CYP19A1: variants seen among roughly 807,000 people sequenced by gnomAD.
The protein encoded by CYP19A1 is cytochrome P450 family 19 subfamily A member 1, also known as aromatase.
In CYP19A1, 32 loss-of-function variants were observed where a neutral mutation model predicts 44.4. That is an observed-to-expected ratio of 0.72 (90% confidence interval 0.54 to 0.97). The LOEUF (loss-of-function observed/expected upper bound fraction) is 0.97, where lower values mean the gene tolerates loss of function less well. Among genes scored for constraint, CYP19A1 ranks in the 50% least tolerant of loss-of-function variants. CYP19A1 has a pLI of 0.00. For missense variants in CYP19A1, 598 were observed against 637.8 expected, an observed-to-expected ratio of 0.94 and a Z score of 0.67; for synonymous variants, 212 against 215.6, an observed-to-expected ratio of 0.98 and a Z score of 0.14.
At chr15:51,231,094 A>G (rs1407318959) in intron 3 of CYP19A1, among the ~76,000 whole-genome samples, 1 of 152,212 alleles carries the variant, frequency 6.6e-6, no homozygotes, top group East Asian at 1.9e-4. Flanking sequence ...CCACCTAACC[A>G]GTGATCAAAT....
intron 1 of CYP19A1, among the ~76,000 whole-genome samples, chr15:51,256,180 C>T (rs1428262545): frequency 6.6e-6 from 1 of 152,218 alleles, no homozygotes; most frequent in Non-Finnish European, 1.5e-5. Flanking sequence ...CTCTAGAGAG[C>T]CTGCTCTTCA....
intron 2 of CYP19A1, among the ~76,000 whole-genome samples, chr15:51,237,705 A>G (rs1425900283): frequency 6.6e-6 from 1 of 152,208 alleles, no homozygotes; most frequent in Non-Finnish European, 1.5e-5. Context: ...GTTTTAGCCG[A>G]GAGTAGTGGC....
At chr15:51,259,100 C>T (rs1051136210) in intron 1 of CYP19A1, among the ~76,000 whole-genome samples, 3 of 152,104 alleles carry the variant, frequency 2.0e-5, no homozygotes, top group African/African-American at 4.8e-5. Flanking sequence ...CTTGCCCTCC[C>T]GCCATTCAGG....
chr15:51,222,243 GA>G (rs2032152330), intron 5 of CYP19A1, 105 bp downstream of exon 5: 1 of 1,584,934 alleles, frequency 6.3e-7, no homozygotes, highest in Admixed American at 1.8e-5. Flanking sequence ...GTTTAAACAA[GA>G]GCAATGTAGA....
Position 51,210,282 on chromosome 15 carries a change from T to C in CYP19A1, c.*526A>G. 8.8e-6 allele frequency: 4 copies of C among 456,398 alleles called. No individual in the cohort carries two copies. The highest frequency in any genetic ancestry group is 4.8e-5 in the South Asian group (3 of 63,122). 28.3% of individuals were successfully genotyped at this position (456,398 alleles called of 1,614,324 possible). A position where few individuals can be genotyped will look rare whatever the true frequency, so the allele number is the denominator to read the frequency against. On this transcript the variant is annotated 3_prime_UTR_variant, in exon 10 of 10. Transcript: ENST00000396402. ...CACAGCAAGGGTCAAATGCTGAATTTCTAAGCATTTCTCCAAAGACTATGA... is the reference window on the plus strand; with the variant it reads ...CACAGCAAGGGTCAAATGCTGAATTCCTAAGCATTTCTCCAAAGACTATGA...
chr15:51,214,140 G>T (rs1001800994), intron 8 of CYP19A1, among the ~76,000 whole-genome samples: 3 of 152,108 alleles, frequency 2.0e-5, no homozygotes, highest in Non-Finnish European at 2.9e-5. Context: ...TGTTTTGCAG[G>T]GTCTGTGTAA....
Position 51,210,170 on chromosome 15 carries a change from C to T in CYP19A1, c.*638G>A, listed in dbSNP as rs886051275. ...ACAGGCAAGTGGCTGAGGCATAAATCGACAGACTGGGAAAGAATTTCCTCT... is the reference window on the plus strand; with the variant it reads ...ACAGGCAAGTGGCTGAGGCATAAATTGACAGACTGGGAAAGAATTTCCTCT... On this transcript the variant is annotated 3_prime_UTR_variant, in exon 10 of 10. Transcript: ENST00000396402. 3 of 357,200 alleles carry T rather than the reference C, an allele frequency of 8.4e-6. No individual in the cohort carries two copies. The highest frequency in any genetic ancestry group is 7.5e-5 in the East Asian group (1 of 13,342). 22.1% of individuals were successfully genotyped at this position (357,200 alleles called of 1,614,324 possible). A position where few individuals can be genotyped will look rare whatever the true frequency, so the allele number is the denominator to read the frequency against.
chr15:51,275,952 G>A (rs2035293348), intron 1 of CYP19A1, among the ~76,000 whole-genome samples: 1 of 152,162 alleles, frequency 6.6e-6, no homozygotes, highest in Non-Finnish European at 1.5e-5. Context: ...CCAGCCTGAG[G>A]TTTGAAGGAA....
At chr15:51,220,443 T>C (rs2141056447) in intron 5 of CYP19A1, among the ~76,000 whole-genome samples, 1 of 152,330 alleles carries the variant, frequency 6.6e-6, no homozygotes, top group African/African-American at 2.4e-5. Context: ...CCCCAGAACC[T>C]AGAACAGTGC....
chr15:51,326,544 A>G (rs2036611195), intron 1 of CYP19A1, among the ~76,000 whole-genome samples: 1 of 152,224 alleles, frequency 6.6e-6, no homozygotes. Context: ...TCTTTATCAG[A>G]TTTGTCCAAA....
At chr15:51,245,324 T>C (rs956013672) in intron 1 of CYP19A1, among the ~76,000 whole-genome samples, 2 of 152,160 alleles carry the variant, frequency 1.3e-5, no homozygotes, top group African/African-American at 2.4e-5. Flanking sequence ...GGTAAGAATA[T>C]ATTTTATTTT....
At chr15:51,262,399 C>G (rs180796002) in intron 1 of CYP19A1, among the ~76,000 whole-genome samples, 2 of 152,032 alleles carry the variant, frequency 1.3e-5, no homozygotes, top group Admixed American at 1.3e-4. Context: ...ATTCCTCTAG[C>G]GCACTGGGTT....
intron 1 of CYP19A1, among the ~76,000 whole-genome samples, chr15:51,304,199 G>T (rs1160778523): frequency 1.3e-5 from 2 of 152,154 alleles, no homozygotes; most frequent in Non-Finnish European, 2.9e-5. Context: ...TGGGTTGGAA[G>T]GTATACTGAG....
chr15:51,233,234 T>C lies in CYP19A1; in HGVS notation c.296+3625A>G, dbSNP rs544303768. ...TTCTATGTAACACCTATCTGCCTGA[T>C]AAGTGTGACCAACTATCCTGGTTTG... On this transcript the variant is annotated intron_variant, in intron 3 of 9. Coordinates refer to ENST00000396402, the MANE Select transcript of CYP19A1 (RefSeq NM_000103.4). Among the ~76,000 whole-genome samples, 57 of 122,740 alleles carry C rather than the reference T, an allele frequency of 4.6e-4. 1 individual carries two copies. The Middle Eastern group carries it at 0.012, about 25-fold the overall frequency. The allele number at this position is 122,740 out of a possible 152,430, so 80.5% of individuals were successfully genotyped here. A position where few individuals can be genotyped will look rare whatever the true frequency, so the allele number is the denominator to read the frequency against.
intron 1 of CYP19A1, among the ~76,000 whole-genome samples, chr15:51,257,991 A>G (rs2034577165): frequency 6.6e-6 from 1 of 152,230 alleles, no homozygotes; most frequent in Non-Finnish European, 1.5e-5. Context: ...CTTTTAGCCA[A>G]TAGTCTTATT....
Position 51,215,100 on chromosome 15 carries a change from C to T in CYP19A1, c.991G>A (p.Ala331Thr). 6.2e-7 allele frequency: 1 copy of T among 1,613,920 alleles called. No homozygotes were observed. Among genetic ancestry groups the T allele is most frequent in the Non-Finnish European group, 8.5e-7 (1 of 1,179,940 alleles). ...ACAGTCTGGATTTCCTTTATTATTG[C>T]CTCTTCAACATTAGGGTGCTTTGCA... is the stretch of plus-strand genomic sequence containing the variant. ...LIAKHPNVEE[A>T]IIKEIQTVIG... The change falls in exon 8 of 10, where the codon GCA becomes ACA. Residue 331 changes from alanine (A) to threonine (T), a missense_variant. Coordinates refer to ENST00000396402, the MANE Select transcript of CYP19A1 (RefSeq NM_000103.4).
intron 2 of CYP19A1, among the ~76,000 whole-genome samples, chr15:51,239,594 A>T (rs185140228): frequency 1.3e-5 from 2 of 152,026 alleles, no homozygotes; most frequent in African/African-American, 4.8e-5. Flanking sequence ...GGCAAAATTA[A>T]CCTGTATTCT....
chr15:51,229,620 C>T (rs2032870356), intron 3 of CYP19A1, among the ~76,000 whole-genome samples: 1 of 151,982 alleles, frequency 6.6e-6, no homozygotes, highest in Non-Finnish European at 1.5e-5. Context: ...GGGAATTTGT[C>T]TGACGTTTCA....
intron 5 of CYP19A1, among the ~76,000 whole-genome samples, chr15:51,221,220 A>G (rs866172217): frequency 2.0e-4 from 31 of 152,212 alleles, no homozygotes; most frequent in African/African-American, 6.5e-4. Flanking sequence ...ATAAATATTT[A>G]GTGGTAAATA....
Sources: gnomAD v4.1 joint callset for allele counts (sites outside exome capture counted in the v4.1 genomes callset) on GRCh38, gnomAD v4.1.1 for gene constraint, MANE v1.5 for transcripts, NCBI Gene and HGNC (gene_info 2026-07-23, HGNC 2026-07-21) for gene names.